TOR1AIP2: variants seen among roughly 807,000 people sequenced by gnomAD.
The protein encoded by TOR1AIP2 is torsin 1A interacting protein 2, also known as torsin-1A-interacting protein 2.
Under a neutral mutation model 32.6 loss-of-function variants are expected in TOR1AIP2, and 20 were observed. That is an observed-to-expected ratio of 0.61 (90% CI 0.43 to 0.89). The LOEUF is 0.89. Among genes scored for constraint, TOR1AIP2 ranks in the 40% least tolerant of loss-of-function variants. TOR1AIP2 has a pLI of 0.00. For synonymous variants in TOR1AIP2, 214 were observed against 210.8 expected, an observed-to-expected ratio of 1.02 and a Z score of -0.13; for missense variants, 456 against 553.8, an observed-to-expected ratio of 0.82 and a Z score of 1.77.
chr1:179,852,551 T>G, intron 4 of TOR1AIP2, 81 bp downstream of exon 4: 1 of 1,441,106 alleles, frequency 6.9e-7, no homozygotes, highest in Non-Finnish European at 9.7e-7. Context: ...ACCTCAGATT[T>G]TAGTCATCAG....
intron 2 of TOR1AIP2, among the ~76,000 whole-genome samples, chr1:179,871,643 T>C (rs1178386905): frequency 6.6e-6 from 1 of 152,204 alleles, no homozygotes; most frequent in Non-Finnish European, 1.5e-5. Flanking sequence ...CCTCATATGA[T>C]ACATAAAATC....
intron 3 of TOR1AIP2, chr1:179,861,643 A>AAAT: frequency 1.0e-6 from 1 of 985,458 alleles, no homozygotes; most frequent in Non-Finnish European, 1.2e-6. Context: ...GTTATGACCT[A>AAAT]AATTATTAAC....
In TOR1AIP2 at chr1:179,842,557, A is replaced by G. The variant is rs537369839; in HGVS notation, c.*3514T>C. ...TACCAATTGGTTCTACAATTCTGGG[A>G]TTACTCAAGAAGTAATTTATATTAA... On this transcript the variant is annotated 3_prime_UTR_variant, in exon 7 of 7. Transcript: ENST00000609928. 4 of 152,312 alleles carry G rather than the reference A, an allele frequency of 2.6e-5. No individual in the cohort carries two copies. Among genetic ancestry groups the G allele is most frequent in the Admixed American group, 2.0e-4 (3 of 15,300 alleles). 9.4% of individuals were successfully genotyped at this position (152,312 alleles called of 1,614,324 possible).
chr1:179,849,085 G>A (rs919034471), intron 5 of TOR1AIP2, among the ~76,000 whole-genome samples: 26 of 152,028 alleles, frequency 1.7e-4, no homozygotes, highest in Non-Finnish European at 2.9e-4. Context: ...GCAGTGAGCC[G>A]AGACAGCGCC....
intron 6 of TOR1AIP2, 38 bp downstream of exon 6, chr1:179,847,497 G>C (rs1195544623): frequency 1.5e-6 from 2 of 1,362,104 alleles, no homozygotes; most frequent in East Asian, 4.6e-5. Context: ...ATTTCTGAAA[G>C]TGAATCAACA....
At chr1:179,860,018 A>T (rs1356125289) in intron 3 of TOR1AIP2, 13 of 723,578 alleles carry the variant, frequency 1.8e-5, no homozygotes, top group Non-Finnish European at 2.2e-5. Flanking sequence ...TTTCTTTTTA[A>T]AACTTTTTTG....
intron 3 of TOR1AIP2, among the ~76,000 whole-genome samples, chr1:179,853,118 A>G (rs1696176366): frequency 6.6e-6 from 1 of 152,248 alleles, no homozygotes; most frequent in Non-Finnish European, 1.5e-5. Context: ...TAAAAAATAA[A>G]TCTAAGAGTA....
At chr1:179,871,203 A>G (rs1696998918) in intron 2 of TOR1AIP2, among the ~76,000 whole-genome samples, 1 of 152,242 alleles carries the variant, frequency 6.6e-6, no homozygotes, top group African/African-American at 2.4e-5. Context: ...TCCTTCACTA[A>G]AAACAGTGAG....
chr1:179,858,579 C>A (rs931082981), intron 3 of TOR1AIP2, among the ~76,000 whole-genome samples: 1 of 152,050 alleles, frequency 6.6e-6, no homozygotes, highest in African/African-American at 2.4e-5. Flanking sequence ...ATAAATCAGT[C>A]TCTGTAAAAA....
chr1:179,868,384 C>A (rs1193700845), intron 2 of TOR1AIP2: 3 of 151,936 alleles, frequency 2.0e-5, no homozygotes, highest in Admixed American at 2.0e-4. Flanking sequence ...GCTATAGTGT[C>A]CAATAAATAT....
chr1:179,875,347 A>C (rs1697156112), intron 2 of TOR1AIP2: 1 of 152,212 alleles, frequency 6.6e-6, no homozygotes, highest in African/African-American at 2.4e-5. Context: ...AAAATGGAAT[A>C]ATAGTACTTA....
intron 3 of TOR1AIP2, chr1:179,864,512 G>GA (rs768123827): frequency 2.3e-5 from 27 of 1,154,670 alleles, no homozygotes; most frequent in Non-Finnish European, 2.9e-5. Context: ...GGAGTGGTAA[G>GA]TTAGTTCCAA....
At chr1:179,863,224 A>C (rs1487386407) in intron 3 of TOR1AIP2, 1 of 92,036 alleles carries the variant, frequency 1.1e-5, no homozygotes, top group Non-Finnish European at 1.5e-5. Context: ...ACTCTGTCTC[A>C]AAAAAAAAAA....
intron 6 of TOR1AIP2, 49 bp from the exon 7 acceptor site, chr1:179,846,877 A>G: frequency 6.6e-7 from 1 of 1,519,126 alleles, no homozygotes; most frequent in African/African-American, 1.4e-5. Context: ...AACACGAGCC[A>G]GAAACAAAGC....
At chr1:179,874,103 T>G (rs1484737794) in intron 2 of TOR1AIP2, 2 of 152,244 alleles carry the variant, frequency 1.3e-5, no homozygotes, top group African/African-American at 4.8e-5. Context: ...TTCCTTACTA[T>G]ATTAAACTCA....
chr1:179,865,004 G>C, intron 3 of TOR1AIP2: 1 of 1,614,022 alleles, frequency 6.2e-7, no homozygotes, highest in Non-Finnish European at 8.5e-7. Context: ...GCTTCTATTA[G>C]CAGGATTATC....
At chr1:179,863,280 T>C (rs1316227461) in intron 3 of TOR1AIP2, 15 of 813,876 alleles carry the variant, frequency 1.8e-5, no homozygotes, top group South Asian at 5.6e-5. Context: ...CAATGTGGCC[T>C]ACCCAGGCAA....
Position 179,859,844 on chromosome 1 carries a change from T to C in TOR1AIP2, c.-147+5592A>G, listed in dbSNP as rs190630929. The C allele has an allele frequency of 2.5e-3, 2,439 of 985,430 alleles. 5 individuals carry two copies. Among genetic ancestry groups the C allele is most frequent in the Non-Finnish European group, 2.7e-3 (2,271 of 829,980 alleles). 61.0% of individuals were successfully genotyped at this position (985,430 alleles called of 1,614,324 possible). On this transcript the variant is annotated intron_variant, in intron 3 of 6. Transcript: ENST00000609928. ...TTAAGAAGTTTTTTGTTTTTGTTTT[T>C]AGATAAAGGGCCTTACTCTGTTGCC...
intron 2 of TOR1AIP2, among the ~76,000 whole-genome samples, chr1:179,866,672 C>T (rs1406236745): frequency 6.6e-6 from 1 of 152,076 alleles, no homozygotes; most frequent in African/African-American, 2.4e-5. Context: ...CCCAAAGTGC[C>T]GGGATTACAG....
Sources: gnomAD v4.1 joint callset for allele counts (sites outside exome capture counted in the v4.1 genomes callset) on GRCh38, gnomAD v4.1.1 for gene constraint, MANE v1.5 for transcripts, NCBI Gene and HGNC (gene_info 2026-07-23, HGNC 2026-07-21) for gene names.